Variants in BCAR1 observed in about 807,000 individuals in gnomAD.
BCAR1 encodes breast cancer anti-estrogen resistance protein 1.
A neutral mutation model predicts 67.6 loss-of-function variants in BCAR1; 30 were observed. The ratio of observed to expected loss-of-function variants is 0.44; its 90% confidence interval spans 0.33 to 0.60. The LOEUF is 0.60. Among genes scored for constraint, BCAR1 ranks in the 20% least tolerant of loss-of-function variants. The pLI, the probability that BCAR1 is intolerant of heterozygous loss-of-function variation, is 0.02. For synonymous variants in BCAR1, 626 were observed against 556.7 expected, an observed-to-expected ratio of 1.12 and a Z score of -1.75; for missense variants, 1,313 against 1,222.3, an observed-to-expected ratio of 1.07 and a Z score of -1.11.
chr16:75,231,390 T>G (rs930770728), intron 6 of BCAR1, among the ~76,000 whole-genome samples: 29 of 152,208 alleles, frequency 1.9e-4, no homozygotes, highest in Non-Finnish European at 4.1e-4. Context: ...CAGCCCTTTT[T>G]ATTCTTTGAC....
At chr16:75,241,481 C>T (rs1277381564) in intron 2 of BCAR1, among the ~76,000 whole-genome samples, 3 of 152,156 alleles carry the variant, frequency 2.0e-5, no homozygotes, top group Non-Finnish European at 4.4e-5. Flanking sequence ...GACCCTGCTC[C>T]TCTTGCTAAA....
chr16:75,247,956 T>A, intron 1 of BCAR1: 1 of 824,788 alleles, frequency 1.2e-6, no homozygotes, highest in East Asian at 2.5e-5. Context: ...TTCACAATAA[T>A]AAGAACAGCA....
intron 5 of BCAR1, 144 bp downstream of exon 5, chr16:75,234,744 GC>G: frequency 7.9e-7 from 1 of 1,271,562 alleles, no homozygotes; most frequent in Non-Finnish European, 1.1e-6. Context: ...AGCACATGGG[GC>G]CAATGTGGGG....
At chr16:75,251,783 C>T, upstream of BCAR1, 1 of 608,108 alleles carries the variant, frequency 1.6e-6, no homozygotes, top group Non-Finnish European at 2.1e-6. Context: ...GGGCCGCCCC[C>T]CGCCCCGCCC....
chr16:75,236,640 G>A (rs2077146360), intron 4 of BCAR1: 12 of 673,082 alleles, frequency 1.8e-5, no homozygotes, highest in South Asian at 3.9e-5. Context: ...GTCACCTTGC[G>A]GATACCCTCT....
chr16:75,235,464 C>T lies in BCAR1; in HGVS notation c.1435G>A (p.Asp479Asn), dbSNP rs1367259803. Residue 479 changes from aspartate to asparagine, a missense_variant, in exon 5 of 7, where the codon GAC becomes AAC. This residue lies in a region of BCAR1 where 1,272 missense variants were observed against 1,137.5 expected (regional missense o/e 1.12). Coordinates refer to ENST00000162330, the MANE Select transcript of BCAR1 (RefSeq NM_014567.5). Reference sequence around the variant, plus strand: ...GTCGCACCGGCGCTGCCTGCCAGGTCCAGAAGGTGGGCAACGGTGGCGCTC... The same window carrying T: ...GTCGCACCGGCGCTGCCTGCCAGGTTCAGAAGGTGGGCAACGGTGGCGCTC... ...GVSATVAHLLDLAGSAGATGS... is the reference protein window; with the variant it reads ...GVSATVAHLLNLAGSAGATGS... 20 of 1,606,830 alleles carry T rather than the reference C, an allele frequency of 1.2e-5. No individual in the cohort carries two copies. Among genetic ancestry groups the T allele is most frequent in the Non-Finnish European group, 1.7e-5 (20 of 1,177,982 alleles).
chr16:75,263,439 G>A (rs2077946706), intron 1 of BCAR1: 8 of 985,248 alleles, frequency 8.1e-6, no homozygotes, highest in African/African-American at 1.7e-5. Flanking sequence ...GGCAGCACAC[G>A]AGCACTGCAC....
At chr16:75,251,201 G>C (rs2151461918) in intron 1 of BCAR1, among the ~76,000 whole-genome samples, 1 of 152,082 alleles carries the variant, frequency 6.6e-6, no homozygotes, top group East Asian at 2.0e-4. Context: ...GGCCCCGCCA[G>C]CCACTTTCCC....
chr16:75,266,639 T>C (rs1464702042), intron 1 of BCAR1: 2 of 1,087,542 alleles, frequency 1.8e-6, no homozygotes, highest in African/African-American at 3.3e-5. Context: ...TTCGTCCCCA[T>C]CGCTCCACTC....
chr16:75,236,698 G>C (rs2077149675), intron 4 of BCAR1, 184 bp downstream of exon 4: 2 of 1,229,974 alleles, frequency 1.6e-6, no homozygotes, highest in African/African-American at 3.1e-5. Flanking sequence ...TGCCGACAAA[G>C]AACCTGAGGC....
intron 1 of BCAR1, chr16:75,243,440 C>G (rs540726765): frequency 3.4e-6 from 2 of 588,208 alleles, no homozygotes; most frequent in South Asian, 2.9e-5. Flanking sequence ...GCAGTAATCA[C>G]GACAAAGCTG....
At chr16:75,252,106 GGAGA>G (rs1407858489), upstream of BCAR1, 2 of 1,293,342 alleles carry the variant, frequency 1.5e-6, no homozygotes, top group Non-Finnish European at 2.2e-6. Context: ...CCAGCCTGTA[GGAGA>G]CGAATCATCA....
intron 1 of BCAR1, among the ~76,000 whole-genome samples, chr16:75,262,264 A>G (rs1291188835): frequency 7.2e-5 from 11 of 152,178 alleles, no homozygotes; most frequent in Admixed American, 7.2e-4. Flanking sequence ...GGGGCCACAT[A>G]CTCAGCAGGC....
chr16:75,258,638 C>G lies in BCAR1; in HGVS notation c.66+9277G>C, dbSNP rs74878843. ...CTTCTCTGCGGAGGTGACATTTGAG[C>G]AGATGTGTGAATCTTTTGCTAAGAC... On this transcript the variant is annotated intron_variant, in intron 1 of 6. Transcript: ENST00000393422. 3.6e-3 allele frequency among the ~76,000 whole-genome samples: 542 copies of G among 152,316 alleles called. 1 individual carries two copies. The highest frequency in any genetic ancestry group is 6.8e-3 in the Middle Eastern group (2 of 294).
At chr16:75,234,685 G>A (rs775659016) in intron 5 of BCAR1, among the ~76,000 whole-genome samples, 15 of 152,230 alleles carry the variant, frequency 9.9e-5, no homozygotes, top group Middle Eastern at 3.2e-3. Flanking sequence ...GGTCACCAGA[G>A]ATACCAGCCC....
intron 6 of BCAR1, among the ~76,000 whole-genome samples, chr16:75,232,033 C>G (rs1285772451): frequency 6.6e-6 from 1 of 151,906 alleles, no homozygotes; most frequent in East Asian, 1.9e-4. Flanking sequence ...AGGCATGTGC[C>G]ACCATGCCCA....
chr16:75,236,167 C>T (rs117467427), intron 4 of BCAR1, 181 bp from the exon 5 acceptor site: 20,972 of 699,328 alleles, frequency 0.03, 565 homozygotes, highest in Middle Eastern at 0.096. Context: ...CACACACACG[C>T]GCACACACAC....
intron 2 of BCAR1, among the ~76,000 whole-genome samples, chr16:75,240,565 T>C (rs2077304959): frequency 6.6e-6 from 1 of 152,246 alleles, no homozygotes; most frequent in African/African-American, 2.4e-5. Context: ...GGGCAGATAC[T>C]AGACAAAATA....
intron 2 of BCAR1, chr16:75,239,145 GA>G (rs1470673595): frequency 2.0e-6 from 2 of 976,942 alleles, no homozygotes; most frequent in Non-Finnish European, 2.4e-6. Flanking sequence ...CCACCAGGGG[GA>G]AAAGCTCTTT....
Sources: gnomAD v4.1 joint callset for allele counts (sites outside exome capture counted in the v4.1 genomes callset) on GRCh38, gnomAD v4.1.1 for gene constraint, gnomAD v4.1.1 regional missense constraint, MANE v1.5 for transcripts, NCBI Gene and HGNC (gene_info 2026-07-23, HGNC 2026-07-21) for gene names.